The following NF2 variants were observed in gnomAD, a reference collection of about 807,000 sequenced individuals.
NF2 encodes the protein merlin.
Under a neutral mutation model 83.7 loss-of-function variants are expected in NF2, and 8 were observed. The observed-to-expected ratio is 0.10, with a 90% CI of 0.06 to 0.17. NF2 has a LOEUF of 0.17. Among genes scored for constraint, NF2 ranks in the 10% least tolerant of loss-of-function variants. The probability of loss-of-function intolerance (pLI) is 1.00; values close to 1 mark genes in which losing one functional copy is unlikely to be tolerated. For missense variants in NF2, 533 were observed against 744.4 expected, an observed-to-expected ratio of 0.72 and a Z score of 3.31; for synonymous variants, 266 against 269.6, an observed-to-expected ratio of 0.99 and a Z score of 0.13.
intron 15 of NF2, among the ~76,000 whole-genome samples, chr22:29,688,094 A>C (rs1217096811): frequency 1.3e-5 from 2 of 152,210 alleles, no homozygotes; most frequent in Non-Finnish European, 2.9e-5. Context: ...TCTAGATAGA[A>C]GACTGTATCG....
At chr22:29,644,649 G>A (rs1196073533) in intron 4 of NF2, among the ~76,000 whole-genome samples, 1 of 152,042 alleles carries the variant, frequency 6.6e-6, no homozygotes, top group African/African-American at 2.4e-5. Flanking sequence ...CTGAGTGAAC[G>A]AGACTCCGTC....
chr22:29,679,111 T>G (rs537938686), intron 14 of NF2, among the ~76,000 whole-genome samples: 1 of 152,330 alleles, frequency 6.6e-6, no homozygotes, highest in African/African-American at 2.4e-5. Flanking sequence ...ACATCAAAGG[T>G]AGGTTTTCAT....
At chr22:29,670,363 G>A (rs541175507) in intron 10 of NF2, among the ~76,000 whole-genome samples, 145 of 152,010 alleles carry the variant, frequency 9.5e-4, no homozygotes, top group Admixed American at 1.6e-3. Flanking sequence ...TTGTAGATAT[G>A]TAGTAAGCCA....
chr22:29,621,684 A>T (rs2065220284), intron 1 of NF2, among the ~76,000 whole-genome samples: 3 of 152,022 alleles, frequency 2.0e-5, no homozygotes, highest in South Asian at 4.2e-4. Flanking sequence ...ATAAATAAAT[A>T]AAATAAATTA....
chr22:29,619,194 G>A (rs2065148522), intron 1 of NF2, among the ~76,000 whole-genome samples: 1 of 152,024 alleles, frequency 6.6e-6, no homozygotes, highest in African/African-American at 2.4e-5. Context: ...ACAGGCATGT[G>A]CCAACACGCC....
At position 29,668,084 on chromosome 22, in the gene NF2, A is replaced by AGT. The variant is rs3842712; in HGVS notation, c.886-246_886-245dup. 0.37 allele frequency among the ~76,000 whole-genome samples: 56,729 copies of AGT among 151,938 alleles called. 11,282 individuals are homozygous for AGT. The highest frequency in any genetic ancestry group is 0.47 in the Non-Finnish European group (31,927 of 67,922). The stretch of plus-strand genomic sequence containing the variant: ...AAGGTGCACCCAGAAGACATGGTGA[A>AGT]GTGTCCTCCAGTCCTCTCTTGATTT... On this transcript the variant is annotated intron_variant, in intron 9 of 15. Transcript: ENST00000338641.
Position 29,695,964 on chromosome 22 carries a change from C to T in NF2, c.*1162C>T, listed in dbSNP as rs1337797352. On this transcript the variant is annotated 3_prime_UTR_variant, in exon 16 of 16. Transcript: ENST00000338641. The surrounding 1 kb of genome is among the most constrained non-coding windows in gnomAD (Gnocchi z 5.4). ...CAGGTGTCCACTCACAGGTGGCGCTCACCTAGGCTGTCACAGGACCCACCT... is the reference window on the plus strand; with the variant it reads ...CAGGTGTCCACTCACAGGTGGCGCTTACCTAGGCTGTCACAGGACCCACCT... 3 of 232,636 alleles carry T rather than the reference C, an allele frequency of 1.3e-5. No individual in the cohort carries two copies. The highest frequency in any genetic ancestry group is 2.5e-5 in the Non-Finnish European group (3 of 117,864). 14.4% of individuals were successfully genotyped at this position (232,636 alleles called of 1,614,324 possible).
chr22:29,673,131 A>G (rs2066853235), intron 11 of NF2, 138 bp from the exon 12 acceptor site: 11 of 927,390 alleles, frequency 1.2e-5, no homozygotes, highest in Admixed American at 2.0e-5. Context: ...ATTTCTTGTC[A>G]GAGGGTCATG....
At chr22:29,646,541 G>C (rs996410365) in intron 4 of NF2, among the ~76,000 whole-genome samples, 8 of 152,142 alleles carry the variant, frequency 5.3e-5, no homozygotes, top group African/African-American at 1.9e-4. Context: ...AGGAACTTTA[G>C]AAGTGTGGAA....
At chr22:29,644,438 T>G in intron 4 of NF2, among the ~76,000 whole-genome samples, 2 of 124,770 alleles carry the variant, frequency 1.6e-5, no homozygotes, top group African/African-American at 6.3e-5. Context: ...CTTTCCAGAC[T>G]GGGCAGCCAG....
chr22:29,655,491 T>C (rs1012616396), intron 5 of NF2, 103 bp from the exon 6 acceptor site: 3 of 865,854 alleles, frequency 3.5e-6, no homozygotes, highest in African/African-American at 1.7e-5. Context: ...TTTTTAAAAA[T>C]AGCTTTACTG....
chr22:29,612,911 C>A (rs1286033170), intron 1 of NF2, among the ~76,000 whole-genome samples: 2 of 151,646 alleles, frequency 1.3e-5, no homozygotes, highest in Non-Finnish European at 2.9e-5. Flanking sequence ...GCCTGGCCAA[C>A]ATGGAGAAAC....
In NF2 at chr22:29,694,473, C is replaced by T. The variant is rs527886883; in HGVS notation, c.1738-279C>T. The stretch of plus-strand genomic sequence containing the variant: ...ATTAAAATAGGCAGGGATCTCCGGT[C>T]CTCTGTCAAGAGGCAATGCTGACGG... On this transcript the variant is annotated intron_variant, in intron 15 of 15. Transcript: ENST00000338641. This position sits in a 1 kb window ranked among gnomAD's most constrained non-coding sequence, Gnocchi z 4.1. Among the ~76,000 whole-genome samples, 1 of 152,322 alleles carries T rather than the reference C, an allele frequency of 6.6e-6. No individual in the cohort carries two copies. Among genetic ancestry groups the T allele is most frequent in the Non-Finnish European group, 1.5e-5 (1 of 68,018 alleles).
chr22:29,663,833 A>G (rs1306788144), intron 8 of NF2, among the ~76,000 whole-genome samples: 1 of 152,218 alleles, frequency 6.6e-6, no homozygotes, highest in African/African-American at 2.4e-5. Context: ...TTGGAAATCT[A>G]GGATCTGTTT....
Position 29,673,377 on chromosome 22 carries a change from C to T in NF2, c.1231C>T (p.Arg411Cys), listed in dbSNP as rs773296925. Reference sequence around the variant, plus strand: ...CGCAGAGGCTGAGCAGGAAATGCAGCGCATCAAGGCCACAGCGATTCGCAC... The same window carrying T: ...CGCAGAGGCTGAGCAGGAAATGCAGTGCATCAAGGCCACAGCGATTCGCAC... ...KAAEAEQEMQ[R>C]IKATAIRTEE... The change falls in exon 12 of 16, where the codon CGC becomes TGC. Residue 411 changes from arginine to cysteine, a missense_variant. Coordinates refer to ENST00000338641, the MANE Select transcript of NF2 (RefSeq NM_000268.4). The T allele has an allele frequency of 2.0e-5, 32 of 1,610,828 alleles. No homozygotes were observed. The highest frequency in any genetic ancestry group is 1.6e-4 in the South Asian group (14 of 89,988).
chr22:29,661,088 G>C (rs999727162), intron 7 of NF2, 117 bp from the exon 8 acceptor site: 169 of 1,458,418 alleles, frequency 1.2e-4, no homozygotes, highest in Non-Finnish European at 1.4e-4. Flanking sequence ...TGTGACTTCT[G>C]TTGGGACCTG....
intron 1 of NF2, among the ~76,000 whole-genome samples, chr22:29,612,010 T>C (rs558193364): frequency 3.0e-4 from 45 of 152,342 alleles, no homozygotes; most frequent in Admixed American, 8.5e-4. Context: ...TTTTGTTTTT[T>C]AAATTAATTT....
intron 15 of NF2, among the ~76,000 whole-genome samples, chr22:29,684,736 G>T (rs987738827): frequency 2.0e-5 from 3 of 152,144 alleles, no homozygotes; most frequent in African/African-American, 7.2e-5. Context: ...TAAAAGCAGG[G>T]ACTTGATGTT....
At chr22:29,643,351 A>T (rs2146902498) in intron 4 of NF2, among the ~76,000 whole-genome samples, 1 of 150,630 alleles carries the variant, frequency 6.6e-6, no homozygotes, top group African/African-American at 2.4e-5. Flanking sequence ...GGGCTTTGGC[A>T]GGGTCATAGG....
Sources: gnomAD v4.1 joint callset for allele counts (sites outside exome capture counted in the v4.1 genomes callset) on GRCh38, gnomAD v4.1.1 for gene constraint, Gnocchi (gnomAD v3.1) non-coding constraint, MANE v1.5 for transcripts, NCBI Gene and HGNC (gene_info 2026-07-23, HGNC 2026-07-21) for gene names.